Variants in ADGRG4 observed in about 807,000 individuals in gnomAD.
ADGRG4 encodes adhesion G protein-coupled receptor G4, also known as G protein-coupled receptor 112.
In ADGRG4, 122 loss-of-function variants were observed where a neutral mutation model predicts 126.2. The ratio of observed to expected loss-of-function variants is 0.97; its 90% CI spans 0.83 to 1.12. The LOEUF is 1.12. Among genes scored for constraint, ADGRG4 ranks in the 50% most tolerant of loss-of-function variants. The pLI is 0.00. For missense variants in ADGRG4, 2,481 were observed against 2,251.8 expected, an observed-to-expected ratio of 1.10 and a Z score of -2.06; for synonymous variants, 943 against 838.7, an observed-to-expected ratio of 1.12 and a Z score of -2.15.
rs373849599 is a variant in ADGRG4 at position 136,383,813 on chromosome X, CCTTTCTTTCTTTCTTT to C, written c.7777-3879_7777-3864del. 5.8e-3 allele frequency among the ~76,000 whole-genome samples: 347 copies of C among 59,588 alleles called. 1 individual carries two copies. The highest frequency in any genetic ancestry group is 0.013 in the Admixed American group (64 of 4,979). 51.7% of individuals were successfully genotyped at this position (59,588 alleles called of 115,157 possible). The stretch of plus-strand genomic sequence containing the variant: ...CTGACTCTTTAATTATATATATTTG[CCTTTCTTTCTTTCTTT>C]CTTTCTTTCTTTCTTTCTTTCTTTC... On this transcript the variant is annotated intron_variant, in intron 15 of 25. Coordinates refer to ENST00000394143, the MANE Select transcript of ADGRG4 (RefSeq NM_153834.4).
intron 7 of ADGRG4, among the ~76,000 whole-genome samples, chrX:136,352,587 G>A (rs1354609620): frequency 1.8e-5 from 2 of 111,442 alleles, no homozygotes; most frequent in Non-Finnish European, 3.8e-5. Flanking sequence ...TATTTTTATA[G>A]GATAAATTCC....
At chrX:136,384,718 C>T (rs2075284172) in intron 15 of ADGRG4, among the ~76,000 whole-genome samples, 1 of 111,410 alleles carries the variant, frequency 9.0e-6, no homozygotes, top group Non-Finnish European at 1.9e-5. Flanking sequence ...GTCCTTCCCC[C>T]AGCCCCCAGC....
intron 24 of ADGRG4, among the ~76,000 whole-genome samples, chrX:136,412,583 T>C (rs989114633): frequency 8.9e-6 from 1 of 111,983 alleles, no homozygotes; most frequent in African/African-American, 3.3e-5. Flanking sequence ...GCTTTTGTTT[T>C]GGCCCAGATT....
rs760783026 is a variant in ADGRG4 at position 136,326,338 on chromosome X, C to G, written c.685+2946C>G. On this transcript the variant is annotated intron_variant, in intron 5 of 25. Coordinates refer to ENST00000394143, the MANE Select transcript of ADGRG4 (RefSeq NM_153834.4). ...TGCTAACATATTATGGTAATTGGTG[C>G]CTTTTACTAAGTTCTTACCGTGTGC... Among the ~76,000 whole-genome samples the G allele has an allele frequency of 4.5e-5, 5 of 111,720 alleles. No individual in the cohort carries two copies. The South Asian group carries it at 1.5e-3, about 34-fold the overall frequency.
intron 5 of ADGRG4, among the ~76,000 whole-genome samples, chrX:136,329,420 C>G (rs2074894810): frequency 8.9e-6 from 1 of 111,975 alleles, no homozygotes; most frequent in Admixed American, 9.5e-5. Context: ...AGTGAAAGAG[C>G]AAATGGCAAT....
intron 5 of ADGRG4, among the ~76,000 whole-genome samples, chrX:136,331,605 T>C (rs1244652468): frequency 8.9e-6 from 1 of 111,848 alleles, no homozygotes; most frequent in Non-Finnish European, 1.9e-5. Flanking sequence ...TTTTTCATTG[T>C]AGTCATTCTT....
In ADGRG4 at chrX:136,347,254, A is replaced by G; in HGVS notation, c.3548A>G (p.Tyr1183Cys). 5.0e-6 allele frequency: 6 copies of G among 1,210,538 alleles called. No homozygotes were observed. The highest frequency in any genetic ancestry group is 1.8e-5 in the South Asian group (1 of 56,930). Residue 1183 changes from tyrosine (Y) to cysteine (C), a missense_variant, in exon 6 of 26, where the codon TAT becomes TGT. Transcript: ENST00000394143. ...PISQVEETSTYALSFPYTFSG... is the reference protein window; with the variant it reads ...PISQVEETSTCALSFPYTFSG... ...TCTCAAGTAGAGGAGACTTCTACCT[A>G]TGCTCTCAGCTTCCCATATACTTTC...
At chrX:136,317,049 G>A (rs1225092607) in intron 4 of ADGRG4, among the ~76,000 whole-genome samples, 1 of 111,621 alleles carries the variant, frequency 9.0e-6, no homozygotes, top group Non-Finnish European at 1.9e-5. Context: ...CCTACTCTGT[G>A]TCCATGAACT....
chrX:136,362,016 T>C (rs2075131826), intron 12 of ADGRG4, among the ~76,000 whole-genome samples: 1 of 112,458 alleles, frequency 8.9e-6, no homozygotes, highest in Non-Finnish European at 1.9e-5. Flanking sequence ...TTACATTTAT[T>C]ATCTTAATGT....
intron 20 of ADGRG4, among the ~76,000 whole-genome samples, chrX:136,398,806 T>C (rs777602876): frequency 1.8e-5 from 2 of 111,976 alleles, no homozygotes; most frequent in Non-Finnish European, 3.8e-5. Context: ...AGCACATATG[T>C]CCACTGAAAG....
chrX:136,301,346 A>G (rs1490299683), intron 1 of ADGRG4, among the ~76,000 whole-genome samples: 2 of 112,496 alleles, frequency 1.8e-5, no homozygotes, highest in African/African-American at 6.5e-5. Flanking sequence ...AGTGATGATG[A>G]ACATTTTTTC....
In ADGRG4 at chrX:136,349,648, C is replaced by T; in HGVS notation, c.5942C>T (p.Ser1981Phe). The part of the protein sequence containing the change: ...VKHTFEKMTT[S>F]VTPGTTLPSI... ...CACACATTTGAGAAAATGACCACAT[C>T]TGTAACTCCTGGGACCACACTCCCA... The change falls in exon 6 of 26, where the codon TCT (serine) becomes TTT (phenylalanine). Residue 1981 changes from serine (S) to phenylalanine (F), a missense_variant. Coordinates refer to ENST00000394143, the MANE Select transcript of ADGRG4 (RefSeq NM_153834.4). 1.7e-6 allele frequency: 2 copies of T among 1,210,100 alleles called. No individual in the cohort carries two copies. The highest frequency in any genetic ancestry group is 3.0e-5 in the East Asian group (1 of 33,791).
chrX:136,319,394 A>G (rs2074824573), intron 4 of ADGRG4, among the ~76,000 whole-genome samples: 1 of 112,579 alleles, frequency 8.9e-6, no homozygotes. Context: ...AATGTTAGTT[A>G]TGATTGCATC....
Position 136,346,234 on chromosome X carries a change from A to G in ADGRG4, c.2528A>G (p.Glu843Gly). ...QRLNATVTRK[E>G]ATSHYLMRKS... ...TTAAATGCCACTGTGACAAGAAAAG[A>G]AGCAACTTCCCATTATCTTATGAGA... Residue 843 changes from glutamate to glycine, a missense_variant, in exon 6 of 26, where the codon GAA becomes GGA. By Grantham distance (98) the Glu-to-Gly change is moderately conservative (BLOSUM62 -2). Transcript: ENST00000394143. 1 of 1,209,984 alleles carries G rather than the reference A, an allele frequency of 8.3e-7. No individual in the cohort carries two copies.
chrX:136,322,716 T>G (rs1439127763), intron 4 of ADGRG4, 62 bp from the exon 5 acceptor site: 1 of 1,063,823 alleles, frequency 9.4e-7, no homozygotes, highest in East Asian at 3.0e-5. Context: ...CCAAATACAA[T>G]AAAACAATTT....
At chrX:136,377,797 C>T (rs2075236660) in intron 15 of ADGRG4, among the ~76,000 whole-genome samples, 1 of 107,738 alleles carries the variant, frequency 9.3e-6, no homozygotes, top group Non-Finnish European at 1.9e-5. Context: ...GACAAAAAGT[C>T]AAATTTTGTA....
chrX:136,320,180 T>C (rs760120938), intron 4 of ADGRG4, among the ~76,000 whole-genome samples: 103 of 112,195 alleles, frequency 9.2e-4, no homozygotes, highest in African/African-American at 3.2e-3. Context: ...AAATAGTCAC[T>C]TATTGATAGA....
intron 5 of ADGRG4, 35 bp from the exon 6 acceptor site, chrX:136,344,357 A>T: frequency 2.0e-6 from 2 of 1,002,233 alleles, no homozygotes; most frequent in Non-Finnish European, 2.7e-6. Flanking sequence ...TCCAAAGCTG[A>T]ATCCAAAATA....
At chrX:136,328,177 G>T (rs1443470131) in intron 5 of ADGRG4, among the ~76,000 whole-genome samples, 1 of 110,911 alleles carries the variant, frequency 9.0e-6, no homozygotes, top group Non-Finnish European at 1.9e-5. Flanking sequence ...GATTCTTTTG[G>T]GGGGAGGCTG....
Sources: allele counts gnomAD v4.1 joint callset (sites outside exome capture counted in the v4.1 genomes callset), GRCh38; gene constraint gnomAD v4.1.1; transcripts MANE v1.5; gene names NCBI Gene and HGNC (gene_info 2026-07-23, HGNC 2026-07-21).